LUC7L2: variants seen among roughly 807,000 people sequenced by gnomAD.
The protein encoded by LUC7L2 is LUC7 like 2, pre-mRNA splicing factor.
LUC7L2 carries 25 observed loss-of-function variants against 52.8 expected under a neutral mutation model. The ratio of observed to expected loss-of-function variants is 0.47; its 90% CI spans 0.34 to 0.66. The LOEUF is 0.66. LUC7L2 is among the 30% of genes least tolerant of loss of function. The pLI is 0.01. For missense variants in LUC7L2, 328 were observed against 497.8 expected, an observed-to-expected ratio of 0.66 and a Z score of 3.25; for synonymous variants, 144 against 160.9, an observed-to-expected ratio of 0.89 and a Z score of 0.80.
chr7:139,412,160 T>A (rs10085796), intron 7 of LUC7L2, among the ~76,000 whole-genome samples: 58,042 of 151,124 alleles, frequency 0.38, 15,544 homozygotes, highest in African/African-American at 0.76. Flanking sequence ...CCAAGGTGGT[T>A]GGATCATTTG....
intron 2 of LUC7L2, among the ~76,000 whole-genome samples, chr7:139,377,744 G>T (rs573786964): frequency 6.6e-6 from 1 of 151,504 alleles, no homozygotes; most frequent in South Asian, 2.1e-4. Context: ...GGTCAGGCTG[G>T]TCTTGAACTC....
chr7:139,420,311 C>A (rs936709952), intron 9 of LUC7L2, among the ~76,000 whole-genome samples: 1 of 152,146 alleles, frequency 6.6e-6, no homozygotes, highest in South Asian at 2.1e-4. Flanking sequence ...TCAAGCGATT[C>A]TTTTGCCTCG....
chr7:139,383,083 G>T (rs543388744), intron 2 of LUC7L2, among the ~76,000 whole-genome samples: 1 of 151,946 alleles, frequency 6.6e-6, no homozygotes, highest in Non-Finnish European at 1.5e-5. Flanking sequence ...ATGCCACCAT[G>T]CCTGGCTAAT....
At chr7:139,390,706 C>T (rs970997483) in intron 2 of LUC7L2, among the ~76,000 whole-genome samples, 1 of 151,980 alleles carries the variant, frequency 6.6e-6, no homozygotes, top group Admixed American at 6.6e-5. Flanking sequence ...TAGGCGCCCA[C>T]CACCATGCCC....
intron 3 of LUC7L2, among the ~76,000 whole-genome samples, chr7:139,400,237 C>T (rs1379856762): frequency 6.6e-6 from 1 of 151,982 alleles, no homozygotes; most frequent in Non-Finnish European, 1.5e-5. Context: ...AATCCCAGCA[C>T]TTTGGGAGGC....
upstream of LUC7L2, chr7:139,359,818 G>GGCGGGCGGA (rs1799763668): frequency 2.0e-5 from 8 of 403,472 alleles, no homozygotes; most frequent in East Asian, 2.9e-4. Context: ...ACTCGGGCGG[G>GGCGGGCGGA]GCGGGCGGAG....
intron 9 of LUC7L2, 76 bp downstream of exon 9, chr7:139,417,805 T>G: frequency 6.6e-7 from 1 of 1,509,966 alleles, no homozygotes. Context: ...ATGTTACTTA[T>G]GTTTAGAGTT....
At chr7:139,378,188 A>G (rs1016085007) in intron 2 of LUC7L2, among the ~76,000 whole-genome samples, 5 of 152,142 alleles carry the variant, frequency 3.3e-5, no homozygotes, top group African/African-American at 9.7e-5. Flanking sequence ...GCTGCATCTG[A>G]AATCTATGAA....
At chr7:139,404,474 A>G (rs557236406) in intron 4 of LUC7L2, among the ~76,000 whole-genome samples, 1 of 152,158 alleles carries the variant, frequency 6.6e-6, no homozygotes, top group Non-Finnish European at 1.5e-5. Context: ...ATGGCACTGC[A>G]CTCCAGCCTG....
At chr7:139,369,262 A>G (rs1307608162) in intron 1 of LUC7L2, among the ~76,000 whole-genome samples, 3 of 152,246 alleles carry the variant, frequency 2.0e-5, no homozygotes, top group African/African-American at 7.2e-5. Flanking sequence ...GTAAGTATCA[A>G]AATATAAAAT....
intron 1 of LUC7L2, chr7:139,371,262 C>T (rs1418262127): frequency 3.3e-6 from 2 of 615,328 alleles, no homozygotes. Flanking sequence ...TTGTAAATTG[C>T]TTGCCATGAA....
At chr7:139,387,956 G>A (rs1050442740) in intron 2 of LUC7L2, among the ~76,000 whole-genome samples, 1 of 151,880 alleles carries the variant, frequency 6.6e-6, no homozygotes, top group Non-Finnish European at 1.5e-5. Context: ...ACTTATTGTC[G>A]TCTCACTCCT....
chr7:139,386,324 G>A (rs757541893), intron 2 of LUC7L2, among the ~76,000 whole-genome samples: 2 of 151,012 alleles, frequency 1.3e-5, no homozygotes, highest in African/African-American at 2.4e-5. Flanking sequence ...TTATACAGGC[G>A]ATTAACCACA....
chr7:139,407,995 T>C (rs1022509888), intron 6 of LUC7L2, among the ~76,000 whole-genome samples: 19 of 152,206 alleles, frequency 1.2e-4, no homozygotes, highest in African/African-American at 4.6e-4. Context: ...CCTTTTAATA[T>C]GCTGATAGCT....
intron 2 of LUC7L2, among the ~76,000 whole-genome samples, chr7:139,390,665 C>T (rs1300061444): frequency 6.6e-6 from 1 of 151,482 alleles, no homozygotes; most frequent in African/African-American, 2.4e-5. Flanking sequence ...ACGCCATTCT[C>T]CTGCCTCAGC....
intron 1 of LUC7L2, among the ~76,000 whole-genome samples, chr7:139,360,969 A>T (rs1359200714): frequency 6.6e-6 from 1 of 152,230 alleles, no homozygotes; most frequent in Admixed American, 6.5e-5. Context: ...ACAATTTAAT[A>T]GAGGCTTTGT....
chr7:139,412,119 C>T (rs180814376), intron 7 of LUC7L2, among the ~76,000 whole-genome samples: 6 of 151,690 alleles, frequency 4.0e-5, no homozygotes, highest in East Asian at 3.9e-4. Flanking sequence ...TGAAAAAAAT[C>T]GGCCACCTGT....
intron 1 of LUC7L2, among the ~76,000 whole-genome samples, chr7:139,340,814 G>A (rs1798907746): frequency 6.6e-6 from 1 of 151,194 alleles, no homozygotes; most frequent in African/African-American, 2.4e-5. Context: ...TAAACAAAGC[G>A]AAATATGCCA....
chr7:139,351,341 GA>G (rs1198881608), intron 1 of LUC7L2, among the ~76,000 whole-genome samples: 1 of 152,216 alleles, frequency 6.6e-6, no homozygotes, highest in Non-Finnish European at 1.5e-5. Flanking sequence ...CCTGAAGCCA[GA>G]AATCTAAGTT....
Sources: allele counts gnomAD v4.1 joint callset (sites outside exome capture counted in the v4.1 genomes callset), GRCh38; gene constraint gnomAD v4.1.1; transcripts MANE v1.5; gene names NCBI Gene and HGNC (gene_info 2026-07-23, HGNC 2026-07-21).